Variants in MINDY4 observed in about 807,000 individuals in gnomAD.
MINDY4 encodes MINDY lysine 48 deubiquitinase 4, also known as probable ubiquitin carboxyl-terminal hydrolase MINDY-4.
A neutral mutation model predicts 87.0 loss-of-function variants in MINDY4; 68 were observed. The ratio of observed to expected loss-of-function variants is 0.78; its 90% CI spans 0.64 to 0.96. MINDY4 has a LOEUF of 0.96. Ranked by LOEUF, MINDY4 falls within the 40% of genes least tolerant of loss-of-function variation. The probability of loss-of-function intolerance (pLI) is 0.00; values close to 1 mark genes in which losing one functional copy is unlikely to be tolerated. For missense variants in MINDY4, 919 were observed against 928.2 expected (o/e 0.99, Z 0.13); for synonymous variants, 379 against 363.2 (o/e 1.04, Z -0.50).
At chr7:30,782,924 T>C (rs1160819218) in intron 3 of MINDY4, among the ~76,000 whole-genome samples, 1 of 152,202 alleles carries the variant, frequency 6.6e-6, no homozygotes, top group Non-Finnish European at 1.5e-5. Context: ...TAATCTGCCT[T>C]ACTTAAAGTC....
intron 13 of MINDY4, among the ~76,000 whole-genome samples, chr7:30,867,142 G>A (rs760610412): frequency 3.3e-5 from 5 of 152,214 alleles, no homozygotes; most frequent in African/African-American, 4.8e-5. Context: ...GTCACGCAGT[G>A]CAGGTGGCAG....
At chr7:30,857,256 C>G (rs1403650062) in intron 12 of MINDY4, among the ~76,000 whole-genome samples, 1 of 152,172 alleles carries the variant, frequency 6.6e-6, no homozygotes, top group African/African-American at 2.4e-5. Flanking sequence ...CCTTAGGTTT[C>G]TGTTCAGACA....
intron 2 of MINDY4, 77 bp from the exon 3 acceptor site, chr7:30,781,900 A>G: frequency 9.3e-6 from 9 of 972,070 alleles, no homozygotes; most frequent in Non-Finnish European, 1.4e-5. Flanking sequence ...TAGTCAAAGA[A>G]GTGGAATAGT....
chr7:30,784,645 C>A (rs1213208975), intron 3 of MINDY4, among the ~76,000 whole-genome samples: 2 of 152,232 alleles, frequency 1.3e-5, no homozygotes, highest in Non-Finnish European at 2.9e-5. Context: ...GCCTTAGAGG[C>A]CTGCGTGCTG....
intron 6 of MINDY4, 46 bp from the exon 7 acceptor site, chr7:30,836,612 C>A: frequency 6.8e-7 from 1 of 1,462,858 alleles, no homozygotes; most frequent in Non-Finnish European, 9.6e-7. Context: ...GTTCTGTTCT[C>A]CGTGAGTCAT....
intron 17 of MINDY4, 43 bp from the exon 18 acceptor site, chr7:30,891,914 G>C: frequency 6.2e-7 from 1 of 1,608,314 alleles, no homozygotes; most frequent in Non-Finnish European, 8.5e-7. Context: ...CTGGGACCCT[G>C]AAGCTTGATC....
At position 30,859,229 on chromosome 7, in the gene MINDY4, G is replaced by C. The variant is rs543225907; in HGVS notation, c.1678-28G>C. 46 of 1,607,092 alleles carry C rather than the reference G, an allele frequency of 2.9e-5. No homozygotes were observed. The African/African-American group carries it at 5.6e-4, about 20-fold the overall frequency. ...GGGAAGAGGGAGGTGCAAATGGGAT[G>C]GAGCTCATTTTTCTCTCCCCCTCCC... On this transcript the variant is annotated intron_variant, in intron 12 of 17. Transcript: ENST00000265299.
chr7:30,850,563 G>A lies in MINDY4; in HGVS notation c.1547+8G>A, dbSNP rs1389706145. 5.0e-6 allele frequency: 8 copies of A among 1,593,514 alleles called. No individual in the cohort carries two copies. Among genetic ancestry groups the A allele is most frequent in the Non-Finnish European group, 6.8e-6 (8 of 1,169,674 alleles). ...GAGAGCCGTTGTTGCACTGTAAGTG[G>A]TTCCGAGGTCTGTGTTGCCGTGGCT... On this transcript the variant is annotated splice_region_variant and intron_variant, in intron 10 of 17. Coordinates refer to ENST00000265299, the MANE Select transcript of MINDY4 (RefSeq NM_032222.3).
intron 2 of MINDY4, 137 bp downstream of exon 2, chr7:30,778,688 C>A (rs1786904003): frequency 1.9e-6 from 2 of 1,034,716 alleles, no homozygotes; most frequent in Non-Finnish European, 2.9e-6. Flanking sequence ...GAGAAACGGA[C>A]CCCCCAAATG....
chr7:30,813,851 C>A (rs373291926), intron 5 of MINDY4, among the ~76,000 whole-genome samples: 256 of 152,322 alleles, frequency 1.7e-3, no homozygotes, highest in African/African-American at 6.0e-3. Context: ...AGAAAACAGT[C>A]ATTTCTCTGT....
intron 1 of MINDY4, among the ~76,000 whole-genome samples, chr7:30,773,002 A>G (rs1405752353): frequency 6.6e-6 from 1 of 150,758 alleles, no homozygotes; most frequent in African/African-American, 2.4e-5. Context: ...CCCACTTGAC[A>G]TGGCCGAGTT....
chr7:30,776,561 T>G (rs718930), intron 1 of MINDY4, among the ~76,000 whole-genome samples: 38,633 of 152,186 alleles, frequency 0.25, 5,583 homozygotes, highest in Non-Finnish European at 0.32. Context: ...CCCTGAGGAC[T>G]GGGACTTTCA....
At chr7:30,852,927 T>C (rs1279757118) in intron 11 of MINDY4, among the ~76,000 whole-genome samples, 1 of 152,204 alleles carries the variant, frequency 6.6e-6, no homozygotes, top group Non-Finnish European at 1.5e-5. Context: ...CTTGAAGTGT[T>C]TTTTCCTGGC....
chr7:30,783,065 A>T (rs2128166219), intron 3 of MINDY4, among the ~76,000 whole-genome samples: 2 of 152,302 alleles, frequency 1.3e-5, no homozygotes, highest in East Asian at 3.9e-4. Context: ...AGCAATACCA[A>T]TTTATTCTCT....
At chr7:30,844,189 C>T (rs1484946033) in intron 9 of MINDY4, among the ~76,000 whole-genome samples, 3 of 152,136 alleles carry the variant, frequency 2.0e-5, no homozygotes, top group Non-Finnish European at 2.9e-5. Flanking sequence ...GTCTGACTTC[C>T]TGCTCCCACA....
At chr7:30,838,735 C>A (rs1788936819) in intron 7 of MINDY4, among the ~76,000 whole-genome samples, 1 of 152,230 alleles carries the variant, frequency 6.6e-6, no homozygotes, top group African/African-American at 2.4e-5. Context: ...ACTACTGATA[C>A]TGGAGTCTCA....
intron 13 of MINDY4, among the ~76,000 whole-genome samples, chr7:30,869,595 G>A (rs557757480): frequency 6.6e-6 from 1 of 152,180 alleles, no homozygotes; most frequent in East Asian, 1.9e-4. Context: ...TTTTCCTTGT[G>A]AGTGTGCATC....
intron 13 of MINDY4, among the ~76,000 whole-genome samples, chr7:30,869,734 G>A (rs1188672613): frequency 6.6e-6 from 1 of 152,150 alleles, no homozygotes; most frequent in South Asian, 2.1e-4. Flanking sequence ...ACATTCTCAG[G>A]TGCTGGAGGT....
intron 5 of MINDY4, among the ~76,000 whole-genome samples, chr7:30,821,683 C>T (rs1788335133): frequency 6.6e-6 from 1 of 152,086 alleles, no homozygotes; most frequent in Non-Finnish European, 1.5e-5. Flanking sequence ...CATTCTGGAG[C>T]TTCTTTTATA....
Sources: gnomAD v4.1 joint callset for allele counts (sites outside exome capture counted in the v4.1 genomes callset) on GRCh38, gnomAD v4.1.1 for gene constraint, MANE v1.5 for transcripts, NCBI Gene and HGNC (gene_info 2026-07-23, HGNC 2026-07-21) for gene names.